DMD: variants seen among roughly 807,000 people sequenced by gnomAD.
The protein encoded by DMD is dystrophin, also known as mutant dystrophin.
Under a neutral mutation model 330.1 loss-of-function variants are expected in DMD, and 63 were observed. That is an observed-to-expected ratio of 0.19 (90% CI 0.16 to 0.24). The LOEUF (loss-of-function observed/expected upper bound fraction) is 0.24, where lower values mean the gene tolerates loss of function less well. Ranked by LOEUF, DMD falls within the 10% of genes least tolerant of loss-of-function variation. The probability of loss-of-function intolerance (pLI) is 1.00; values close to 1 mark genes in which losing one functional copy is unlikely to be tolerated. For synonymous variants in DMD, 1,223 were observed against 959.8 expected, an observed-to-expected ratio of 1.27 and a Z score of -5.07; for missense variants, 3,344 against 2,684.1, an observed-to-expected ratio of 1.25 and a Z score of -5.43.
In DMD at chrX:33,205,581, T is replaced by C. The variant is rs1053239362; in HGVS notation, c.31+5701A>G. On this transcript the variant is annotated intron_variant, in intron 1 of 78. Coordinates refer to ENST00000357033, the MANE Select transcript of DMD (RefSeq NM_004006.3). The stretch of plus-strand genomic sequence containing the variant: ...CCAGGAATGAGAAAAAAGCTACTGA[T>C]GTTTATGCCCTTTTATAGTCCTGAT... Among the ~76,000 whole-genome samples the C allele has an allele frequency of 3.6e-5, 4 of 112,198 alleles. No homozygotes were observed. The Admixed American group carries it at 3.8e-4, about 11-fold the overall frequency.
At chrX:31,614,022 CAA>C (rs2078067944) in intron 55 of DMD, among the ~76,000 whole-genome samples, 1 of 112,262 alleles carries the variant, frequency 8.9e-6, no homozygotes, top group Non-Finnish European at 1.9e-5. Context: ...TTTTCCACTC[CAA>C]AAGAGAATCA....
intron 44 of DMD, among the ~76,000 whole-genome samples, chrX:32,204,982 C>CTCTCTCTCTCTCTT (rs1299663783): frequency 2.3e-5 from 1 of 43,208 alleles, no homozygotes; most frequent in Non-Finnish European, 4.2e-5. Flanking sequence ...AGCCATCTCT[C>CTCTCTCTCTCTCTT]TCTCTCTCTC....
chrX:32,072,423 A>T (rs951735374), intron 44 of DMD, among the ~76,000 whole-genome samples: 2 of 101,635 alleles, frequency 2.0e-5, no homozygotes, highest in African/African-American at 3.7e-5. Context: ...AATATCTTCT[A>T]TTTGGGAAAA....
chrX:31,697,364 AT>A (rs896877166), intron 52 of DMD, among the ~76,000 whole-genome samples: 6 of 109,066 alleles, frequency 5.5e-5, no homozygotes, highest in Non-Finnish European at 9.6e-5. Context: ...CAATGTACAC[AT>A]TTTTTTTTTC....
intron 1 of DMD, among the ~76,000 whole-genome samples, chrX:33,187,084 A>T (rs2097678155): frequency 8.9e-6 from 1 of 112,134 alleles, no homozygotes; most frequent in Admixed American, 9.5e-5. Flanking sequence ...ATCTATATGA[A>T]TTGAACATTG....
intron 25 of DMD, among the ~76,000 whole-genome samples, chrX:32,460,235 G>A (rs2098378797): frequency 9.0e-6 from 1 of 110,747 alleles, no homozygotes; most frequent in Non-Finnish European, 1.9e-5. Context: ...TTGTTGGCAC[G>A]GATGCAGATA....
At chrX:31,362,293 T>C (rs1349174019) in intron 60 of DMD, among the ~76,000 whole-genome samples, 1 of 112,189 alleles carries the variant, frequency 8.9e-6, no homozygotes, top group East Asian at 2.8e-4. Context: ...CTCCAAATTT[T>C]GAAACTTTTT....
At chrX:31,438,478 A>C (rs1009458342) in intron 60 of DMD, among the ~76,000 whole-genome samples, 3 of 111,833 alleles carry the variant, frequency 2.7e-5, no homozygotes, top group African/African-American at 9.7e-5. Context: ...CTTCCAGGTG[A>C]ATTTGATGCT....
At chrX:31,821,613 T>G (rs941902882) in intron 49 of DMD, among the ~76,000 whole-genome samples, 1 of 111,959 alleles carries the variant, frequency 8.9e-6, no homozygotes, top group African/African-American at 3.2e-5. Flanking sequence ...TGGGTTGTCA[T>G]GTGAGCAAGA....
At chrX:32,412,231 C>A (rs769229719) in intron 29 of DMD, 15 of 1,028,949 alleles carry the variant, frequency 1.5e-5, no homozygotes, top group Admixed American at 2.7e-5. Flanking sequence ...TTTCTCAGGT[C>A]GAATGTTCCT....
intron 55 of DMD, among the ~76,000 whole-genome samples, chrX:31,538,607 G>A (rs2073585462): frequency 9.0e-6 from 1 of 111,661 alleles, no homozygotes; most frequent in South Asian, 3.7e-4. Context: ...TATATACAAG[G>A]GCTAATGTCC....
intron 43 of DMD, among the ~76,000 whole-genome samples, chrX:32,287,106 C>T (rs1603629974): frequency 9.0e-6 from 1 of 110,593 alleles, no homozygotes; most frequent in African/African-American, 3.3e-5. Flanking sequence ...AAAGTGTCAC[C>T]CTCCAAAATA....
intron 1 of DMD, among the ~76,000 whole-genome samples, chrX:33,090,923 G>C (rs1471695860): frequency 9.0e-6 from 1 of 110,896 alleles, no homozygotes; most frequent in Admixed American, 9.6e-5. Context: ...ATAAAATATA[G>C]GTACAAACAT....
chrX:31,715,413 C>G (rs1408018427), intron 52 of DMD, among the ~76,000 whole-genome samples: 1 of 104,299 alleles, frequency 9.6e-6, no homozygotes, highest in Non-Finnish European at 2.0e-5. Context: ...CATGGTGGCG[C>G]GCGCCTGTAG....
intron 44 of DMD, among the ~76,000 whole-genome samples, chrX:32,022,447 A>C (rs1211019226): frequency 1.8e-5 from 2 of 112,476 alleles, no homozygotes; most frequent in Non-Finnish European, 3.8e-5. Context: ...TTAGCATTGA[A>C]TACTTCATCT....
chrX:33,050,516 C>A (rs768767151), intron 1 of DMD, among the ~76,000 whole-genome samples: 1 of 111,863 alleles, frequency 8.9e-6, no homozygotes, highest in African/African-American at 3.2e-5. Context: ...TCCTTCATCA[C>A]GGCTTCATTT....
chrX:32,344,744 G>A (rs2147012741), intron 39 of DMD, among the ~76,000 whole-genome samples: 1 of 111,467 alleles, frequency 9.0e-6, no homozygotes, highest in African/African-American at 3.3e-5. Context: ...TTAGAGGAAT[G>A]CCAGATGACC....
At chrX:33,180,104 G>A (rs769234668) in intron 1 of DMD, among the ~76,000 whole-genome samples, 1 of 111,670 alleles carries the variant, frequency 9.0e-6, no homozygotes, top group Non-Finnish European at 1.9e-5. Flanking sequence ...CCAAAGTGCT[G>A]GGATTACAGG....
chrX:31,978,553 G>A lies in DMD; in HGVS notation c.6439-10039C>T, dbSNP rs780539455. On this transcript the variant is annotated intron_variant, in intron 44 of 78. Transcript: ENST00000357033. ...CTCAAAAATTTATACTGAATACTCA[G>A]TGCCTGCCTGTTGAAGCCCAAATAG... 7.3e-4 allele frequency among the ~76,000 whole-genome samples: 81 copies of A among 111,566 alleles called. 1 individual carries two copies. Among genetic ancestry groups the A allele is most frequent in the Admixed American group, 9.5e-4 (10 of 10,491 alleles).
Sources: allele counts gnomAD v4.1 joint callset (sites outside exome capture counted in the v4.1 genomes callset), GRCh38; gene constraint gnomAD v4.1.1; transcripts MANE v1.5; gene names NCBI Gene and HGNC (gene_info 2026-07-23, HGNC 2026-07-21).